The following THBS4 variants were observed in gnomAD, a reference collection of about 807,000 sequenced individuals.
THBS4 encodes thrombospondin 4.
THBS4 carries 90 observed loss-of-function variants against 115.7 expected under a neutral mutation model. The observed-to-expected ratio is 0.78, with a 90% CI of 0.66 to 0.93. The LOEUF is 0.93. THBS4 is among the 40% of genes least tolerant of loss of function. THBS4 has a pLI of 0.00. For missense variants in THBS4, 1,087 were observed against 1,232.7 expected, an observed-to-expected ratio of 0.88 and a Z score of 1.77; for synonymous variants, 460 against 479.3, an observed-to-expected ratio of 0.96 and a Z score of 0.53.
chr5:80,033,440 G>C (rs958812322), upstream of THBS4: 2 of 157,354 alleles, frequency 1.3e-5, no homozygotes, highest in Non-Finnish European at 2.8e-5. Context: ...ACTGCAGTAA[G>C]TGACCTCCAA....
chr5:80,042,749 T>C lies in THBS4; in HGVS notation c.292+2469T>C, dbSNP rs17879415. ...GGGAGGCTGAGGCAGGCAGATCACCTGAGGTCAGGAGTTCGAGAACAGCAT... is the reference window on the plus strand; with the variant it reads ...GGGAGGCTGAGGCAGGCAGATCACCCGAGGTCAGGAGTTCGAGAACAGCAT... On this transcript the variant is annotated intron_variant, in intron 2 of 21. Transcript: ENST00000350881. Among the ~76,000 whole-genome samples the C allele has an allele frequency of 2.3e-3, 346 of 152,284 alleles. 3 individuals are homozygous for C. Among genetic ancestry groups the C allele is most frequent in the African/African-American group, 8.1e-3 (337 of 41,568 alleles).
At chr5:80,034,282 T>C (rs1349496375), upstream of THBS4, among the ~76,000 whole-genome samples, 1 of 152,186 alleles carries the variant, frequency 6.6e-6, no homozygotes, top group East Asian at 1.9e-4. Context: ...TCGCTAGCTG[T>C]AAATTGAGTG....
At chr5:80,074,764 C>T (rs1288863569) in intron 15 of THBS4, among the ~76,000 whole-genome samples, 1 of 152,044 alleles carries the variant, frequency 6.6e-6, no homozygotes, top group East Asian at 1.9e-4. Context: ...CAGGTGTGTG[C>T]CACCATGCTG....
At chr5:80,018,554 C>G (rs1580914807) in intron 2 of THBS4, among the ~76,000 whole-genome samples, 1 of 151,664 alleles carries the variant, frequency 6.6e-6, no homozygotes, top group East Asian at 1.9e-4. Context: ...GCCACCACAC[C>G]CGGCTAATTT....
chr5:80,056,126 T>G, intron 3 of THBS4, 94 bp downstream of exon 3: 1 of 1,419,594 alleles, frequency 7.0e-7, no homozygotes, highest in Non-Finnish European at 9.4e-7. Context: ...CTGCTGCAGG[T>G]CAGTGGGTCT....
intron 15 of THBS4, chr5:80,075,213 T>TCTGCGGATACGGAA (rs1743141316): frequency 6.6e-6 from 1 of 152,224 alleles, no homozygotes; most frequent in Non-Finnish European, 1.5e-5. Context: ...GTTGGTTGAA[T>TCTGCGGATACGGAA]CTGCGGATAC....
rs774098673 is a variant in THBS4 at position 80,040,162 on chromosome 5, C to G, written c.174C>G (p.Leu58=). 1.9e-6 allele frequency: 3 copies of G among 1,614,184 alleles called. No homozygotes were observed. The highest frequency in any genetic ancestry group is 2.5e-6 in the Non-Finnish European group (3 of 1,180,032). ...TGACAGACCCCGCCCTGAATGATCT[C>G]TATGTGATTTCCACCTTCAAGCTGC... ...PVLTDPALND[L]YVISTFKLQT... The change falls in exon 2 of 22, where the codon CTC becomes CTG. Residue 58 remains leucine (L), a synonymous_variant. Coordinates refer to ENST00000350881, the MANE Select transcript of THBS4 (RefSeq NM_003248.6).
chr5:80,082,816 T>G (rs1048917952), intron 21 of THBS4, among the ~76,000 whole-genome samples: 1 of 152,264 alleles, frequency 6.6e-6, no homozygotes, highest in African/African-American at 2.4e-5. Context: ...ACAGGAAGCC[T>G]TTATTTTCAT....
chr5:80,009,994 T>C (rs1034675022), intron 2 of THBS4, among the ~76,000 whole-genome samples: 15 of 151,948 alleles, frequency 9.9e-5, no homozygotes, highest in Admixed American at 9.8e-4. Context: ...CTAAAAAAAA[T>C]TAGCTGGATG....
chr5:80,059,902 T>C lies in THBS4; in HGVS notation c.984T>C (p.Asp328=). Residue 328 remains aspartate, a synonymous_variant, in exon 7 of 22, where the codon GAT becomes GAC. Coordinates refer to ENST00000350881, the MANE Select transcript of THBS4 (RefSeq NM_003248.6). ...ACGGGATCACCTGTATTGATGTTGATGAGGTAAAAGTTCACTTAGACTGGG... is the reference window on the plus strand; with the variant it reads ...ACGGGATCACCTGTATTGATGTTGACGAGGTAAAAGTTCACTTAGACTGGG... ...TGNGITCIDV[D]ECKYHPCYPG... is the part of the protein sequence containing the mutation. 16 of 1,613,726 alleles carry C rather than the reference T, an allele frequency of 9.9e-6. No homozygotes were observed. The highest frequency in any genetic ancestry group is 1.4e-5 in the Non-Finnish European group (16 of 1,179,948).
intron 2 of THBS4, chr5:80,052,626 T>G (rs1046256051): frequency 6.6e-6 from 1 of 152,212 alleles, no homozygotes; most frequent in African/African-American, 2.4e-5. Context: ...ACATAAGAGA[T>G]TTCCCGTCTG....
intron 2 of THBS4, among the ~76,000 whole-genome samples, chr5:80,023,920 A>G (rs1387881522): frequency 6.6e-6 from 1 of 152,150 alleles, no homozygotes; most frequent in Non-Finnish European, 1.5e-5. Flanking sequence ...CCTTTGTGGA[A>G]GGGCATTAAT....
intron 2 of THBS4, among the ~76,000 whole-genome samples, chr5:80,001,746 GATA>G (rs1201692087): frequency 6.6e-6 from 1 of 152,184 alleles, no homozygotes; most frequent in East Asian, 1.9e-4. Context: ...GTGAGCGGTA[GATA>G]ATGATGAGAA....
At chr5:80,002,948 T>C (rs1207761722) in intron 2 of THBS4, among the ~76,000 whole-genome samples, 8 of 151,820 alleles carry the variant, frequency 5.3e-5, no homozygotes, top group Admixed American at 3.9e-4. Context: ...AAAAACATGT[T>C]GTCTTTCTCT....
rs145080893 is a variant in THBS4, at chr5:80,024,818, G to A, written n.178-15259G>A. On this transcript the variant is annotated intron_variant and non_coding_transcript_variant, in intron 2 of 3. Coordinates refer to the THBS4 transcript ENST00000510218. ...ATGCATTCTCATGGCCTCAATTCAC[G>A]TAGTGTGCCCCAGAAGCAAAGTTTT... is the stretch of plus-strand genomic sequence containing the variant. 1.1e-4 allele frequency among the ~76,000 whole-genome samples: 17 copies of A among 152,264 alleles called. 1 individual carries two copies. In the East Asian group the frequency reaches 1.9e-3, roughly 17 times the overall value.
At chr5:80,073,130 G>C (rs547110221) in intron 14 of THBS4, 145 bp from the exon 15 acceptor site, 2 of 742,196 alleles carry the variant, frequency 2.7e-6, no homozygotes, top group Admixed American at 2.1e-5. Context: ...CACCAATATG[G>C]TGTTGTCCTT....
intron 2 of THBS4, among the ~76,000 whole-genome samples, chr5:80,047,414 GTTTT>G (rs1038260150): frequency 6.6e-6 from 1 of 151,912 alleles, no homozygotes; most frequent in African/African-American, 2.4e-5. Flanking sequence ...TTTGTTTTCT[GTTTT>G]TTGTTTTTAC....
At chr5:80,036,544 T>G (rs17885143) in intron 1 of THBS4, among the ~76,000 whole-genome samples, 1,907 of 152,306 alleles carry the variant, frequency 0.013, 45 homozygotes, top group African/African-American at 0.044. Flanking sequence ...ATTGATCTTT[T>G]TCTATGAAAC....
rs768490261 is a variant in THBS4, at chr5:80,072,330, G to A, written c.1773G>A (p.Arg591=). 3.1e-6 allele frequency: 5 copies of A among 1,614,164 alleles called. No homozygotes were observed. Among genetic ancestry groups the A allele is most frequent in the South Asian group, 2.2e-5 (2 of 91,078 alleles). ...NCPKFPNRDQ[R]DKDGDGVGDA... is the part of the protein sequence containing the mutation. ...CAAAATTTCCCAATCGTGACCAACG[G>A]GACAAGGATGGTGATGGTGTGGGGG... Residue 591 remains arginine (R), a synonymous_variant, in exon 14 of 22, where the codon CGG becomes CGA. Transcript: ENST00000350881.
Sources: allele counts gnomAD v4.1 joint callset (sites outside exome capture counted in the v4.1 genomes callset), GRCh38; gene constraint gnomAD v4.1.1; transcripts MANE v1.5; gene names NCBI Gene and HGNC (gene_info 2026-07-23, HGNC 2026-07-21).